Variants in TTC29 observed in about 807,000 individuals in gnomAD.
TTC29 encodes the protein tetratricopeptide repeat protein 29.
TTC29 carries 49 observed loss-of-function variants against 58.1 expected under a neutral mutation model. The ratio of observed to expected loss-of-function variants is 0.84; its 90% confidence interval spans 0.67 to 1.07. The LOEUF (loss-of-function observed/expected upper bound fraction) is 1.07, where lower values mean the gene tolerates loss of function less well. Ranked by LOEUF, TTC29 falls within the 50% of genes least tolerant of loss-of-function variation. The pLI is 0.00. For synonymous variants in TTC29, 209 were observed against 196.8 expected, an observed-to-expected ratio of 1.06 and a Z score of -0.52; for missense variants, 582 against 555.6, an observed-to-expected ratio of 1.05 and a Z score of -0.48.
At chr4:146,728,795 GTATATATACACA>G (rs1744031501) in intron 11 of TTC29, among the ~76,000 whole-genome samples, 1 of 111,436 alleles carries the variant, frequency 9.0e-6, no homozygotes, top group Admixed American at 9.5e-5. Flanking sequence ...GTATATATAC[GTATATATACACA>G]TATATATGTG....
intron 4 of TTC29, among the ~76,000 whole-genome samples, chr4:146,917,587 AT>A (rs1217136237): frequency 3.7e-4 from 46 of 124,982 alleles, no homozygotes; most frequent in African/African-American, 1.4e-3. Context: ...GCAATTAGAT[AT>A]TATATACATT....
chr4:146,779,468 G>T (rs1039729555), intron 11 of TTC29, among the ~76,000 whole-genome samples: 2 of 152,252 alleles, frequency 1.3e-5, no homozygotes, highest in African/African-American at 4.8e-5. Context: ...GAATTCAACT[G>T]AGATATGTGG....
intron 11 of TTC29, among the ~76,000 whole-genome samples, chr4:146,755,226 G>A (rs1746351396): frequency 2.6e-5 from 4 of 152,108 alleles, no homozygotes; most frequent in Admixed American, 2.6e-4. Flanking sequence ...AGAAGTTGAA[G>A]AAGACACAAA....
intron 11 of TTC29, among the ~76,000 whole-genome samples, chr4:146,778,343 A>G (rs1005386812): frequency 6.6e-6 from 1 of 152,122 alleles, no homozygotes; most frequent in Non-Finnish European, 1.5e-5. Context: ...AGTACTAAGA[A>G]TTATCTAACT....
At chr4:146,926,437 A>T (rs1281379111) in intron 4 of TTC29, among the ~76,000 whole-genome samples, 1 of 152,096 alleles carries the variant, frequency 6.6e-6, no homozygotes, top group Non-Finnish European at 1.5e-5. Context: ...TTCTAGTTAT[A>T]ATCTGACAGC....
intron 2 of TTC29, among the ~76,000 whole-genome samples, chr4:146,940,161 T>C (rs1427037453): frequency 6.6e-6 from 1 of 152,220 alleles, no homozygotes; most frequent in African/African-American, 2.4e-5. Context: ...GAAGAAAATT[T>C]GATAAATGCA....
intron 10 of TTC29, among the ~76,000 whole-genome samples, chr4:146,810,588 C>CTT (rs398051307): frequency 0.013 from 1,225 of 96,224 alleles, 50 homozygotes; most frequent in African/African-American, 0.031. Context: ...TACATACCTT[C>CTT]TTTTTTTTTT....
chr4:146,897,687 A>T (rs1021510255), intron 6 of TTC29, among the ~76,000 whole-genome samples: 2 of 152,198 alleles, frequency 1.3e-5, no homozygotes, highest in African/African-American at 4.8e-5. Flanking sequence ...GCACCCTGCT[A>T]TTGCTCCTGC....
At chr4:146,913,088 G>C (rs1733998189) in intron 4 of TTC29, among the ~76,000 whole-genome samples, 3 of 152,082 alleles carry the variant, frequency 2.0e-5, no homozygotes, top group Non-Finnish European at 4.4e-5. Flanking sequence ...AGGCAGTTTG[G>C]GGGGTGACAT....
chr4:146,835,492 T>A (rs75223716), intron 8 of TTC29, among the ~76,000 whole-genome samples: 9,479 of 152,268 alleles, frequency 0.062, 396 homozygotes, highest in Admixed American at 0.13. Flanking sequence ...AAGTTTAAAG[T>A]AAAGATTGAA....
chr4:146,708,553 T>C (rs1742235488), intron 11 of TTC29, among the ~76,000 whole-genome samples: 1 of 151,124 alleles, frequency 6.6e-6, no homozygotes, highest in African/African-American at 2.4e-5. Flanking sequence ...AGAGCCATGT[T>C]AATTTGTTAC....
intron 6 of TTC29, among the ~76,000 whole-genome samples, chr4:146,891,421 T>C (rs1732355252): frequency 6.6e-6 from 1 of 152,188 alleles, no homozygotes; most frequent in Admixed American, 6.5e-5. Context: ...TAGCCAATAA[T>C]TAGTGATGGT....
intron 11 of TTC29, among the ~76,000 whole-genome samples, chr4:146,745,220 A>C (rs1745455484): frequency 6.6e-6 from 1 of 152,354 alleles, no homozygotes; most frequent in African/African-American, 2.4e-5. Context: ...AAGAGCCTAG[A>C]GGAAAAGGGC....
chr4:146,735,150 A>T (rs1285728006), intron 11 of TTC29, among the ~76,000 whole-genome samples: 2 of 152,110 alleles, frequency 1.3e-5, no homozygotes, highest in Non-Finnish European at 2.9e-5. Flanking sequence ...TTTTAGTCTG[A>T]GCTCAGGCCC....
intron 4 of TTC29, among the ~76,000 whole-genome samples, chr4:146,909,673 G>A (rs1733767842): frequency 6.6e-6 from 1 of 152,080 alleles, no homozygotes; most frequent in African/African-American, 2.4e-5. Flanking sequence ...GTATGTTACA[G>A]AAGTTCATCA....
chr4:146,723,884 T>C (rs1743565640), intron 11 of TTC29, among the ~76,000 whole-genome samples: 1 of 152,192 alleles, frequency 6.6e-6, no homozygotes, highest in Non-Finnish European at 1.5e-5. Flanking sequence ...TGGGTATATA[T>C]CTAAAAGAAT....
At chr4:146,845,944 TACC>T (rs1729141038) in intron 8 of TTC29, among the ~76,000 whole-genome samples, 1 of 152,164 alleles carries the variant, frequency 6.6e-6, no homozygotes, top group African/African-American at 2.4e-5. Context: ...ACAGGATCCA[TACC>T]TGTTTTGCTC....
chr4:146,797,028 A>T (rs1749879170), intron 11 of TTC29, among the ~76,000 whole-genome samples: 1 of 152,180 alleles, frequency 6.6e-6, no homozygotes, highest in Admixed American at 6.5e-5. Flanking sequence ...TTAAAAACAA[A>T]TCCCTTTTAG....
chr4:146,906,338 G>A (rs1040016995), intron 5 of TTC29, among the ~76,000 whole-genome samples: 3 of 152,164 alleles, frequency 2.0e-5, no homozygotes, highest in African/African-American at 7.2e-5. Flanking sequence ...GAACTGACCT[G>A]AGATGACTAT....
Sources: gnomAD v4.1 joint callset for allele counts (sites outside exome capture counted in the v4.1 genomes callset) on GRCh38, gnomAD v4.1.1 for gene constraint, MANE v1.5 for transcripts, NCBI Gene and HGNC (gene_info 2026-07-23, HGNC 2026-07-21) for gene names.